NFILZ: variants seen among roughly 807,000 people sequenced by gnomAD.
The protein encoded by NFILZ is NFIL3 like basic leucine zipper, also known as NFIL3 like protein.
chr19:8,640,048 A>G (rs2146138408), intron 3 of NFILZ, among the ~76,000 whole-genome samples: 1 of 152,150 alleles, frequency 6.6e-6, no homozygotes, highest in African/African-American at 2.4e-5. Flanking sequence ...CTCTCCCACG[A>G]CCTGTGGGAA....
At chr19:8,651,453 C>T (rs1600144765) in intron 3 of NFILZ, among the ~76,000 whole-genome samples, 1 of 151,672 alleles carries the variant, frequency 6.6e-6, no homozygotes, top group South Asian at 2.1e-4. Flanking sequence ...TGAGCCACTG[C>T]GCCCGACCTT....
At chr19:8,653,037 T>TCCC (rs1555747922) in intron 3 of NFILZ, among the ~76,000 whole-genome samples, 10 of 68,328 alleles carry the variant, frequency 1.5e-4, no homozygotes, top group East Asian at 5.0e-4. Flanking sequence ...TCTTTCTTTC[T>TCCC]TTCTCTCTCT....
intron 3 of NFILZ, among the ~76,000 whole-genome samples, chr19:8,653,833 A>T (rs544221284): frequency 6.6e-6 from 1 of 152,286 alleles, no homozygotes; most frequent in South Asian, 2.1e-4. Flanking sequence ...AAAGGTTGGG[A>T]GGCGGATGAG....
chr19:8,660,028 C>T (rs1015652247), intron 3 of NFILZ, among the ~76,000 whole-genome samples: 1 of 152,114 alleles, frequency 6.6e-6, no homozygotes, highest in African/African-American at 2.4e-5. Flanking sequence ...GCTACAACAC[C>T]GGCCACTGCC....
intron 1 of NFILZ, among the ~76,000 whole-genome samples, chr19:8,631,354 A>G (rs73503628): frequency 0.011 from 1,705 of 152,110 alleles, 35 homozygotes; most frequent in African/African-American, 0.039. Context: ...TTAGGAGCTC[A>G]CAGGGAGGCT....
At chr19:8,656,171 T>TCC (rs1471260681) in intron 3 of NFILZ, among the ~76,000 whole-genome samples, 6 of 151,334 alleles carry the variant, frequency 4.0e-5, no homozygotes, top group Non-Finnish European at 8.8e-5. Flanking sequence ...AGCCACGTTC[T>TCC]CCCTACAGCC....
At chr19:8,650,649 G>T (rs2042960907) in intron 3 of NFILZ, among the ~76,000 whole-genome samples, 1 of 119,834 alleles carries the variant, frequency 8.3e-6, no homozygotes, top group South Asian at 2.6e-4. Context: ...GTGAGATTCT[G>T]TCTCAAAAAA....
chr19:8,663,452 G>A (rs879084480), intron 3 of NFILZ, among the ~76,000 whole-genome samples: 2 of 137,434 alleles, frequency 1.5e-5, no homozygotes, highest in Admixed American at 1.4e-4. Flanking sequence ...GTGGGGAGGG[G>A]TGGAACTGCC....
chr19:8,653,002 TC>T (rs2042973586), intron 3 of NFILZ, among the ~76,000 whole-genome samples: 49 of 29,166 alleles, frequency 1.7e-3, no homozygotes, highest in African/African-American at 6.0e-3. Context: ...CTTCCTTCCT[TC>T]CTTCCTTCCT....
chr19:8,635,495 C>T (rs532484032), intron 2 of NFILZ, among the ~76,000 whole-genome samples, 155 bp from the exon 3 acceptor site: 1 of 152,068 alleles, frequency 6.6e-6, no homozygotes, highest in South Asian at 2.1e-4. Flanking sequence ...TCAATGGAAT[C>T]GTACCATAGG....
At chr19:8,647,392 T>G (rs1274232778) in intron 3 of NFILZ, among the ~76,000 whole-genome samples, 4 of 152,030 alleles carry the variant, frequency 2.6e-5, no homozygotes, top group Non-Finnish European at 5.9e-5. Flanking sequence ...GCCAACATGG[T>G]GAAACCTTGT....
intron 4 of NFILZ, among the ~76,000 whole-genome samples, chr19:8,675,559 T>C (rs2043837): frequency 0.38 from 58,445 of 151,932 alleles, 12,403 homozygotes; most frequent in East Asian, 0.72. Flanking sequence ...ATGGGAATTG[T>C]GTTTTGTTTT....
intron 3 of NFILZ, among the ~76,000 whole-genome samples, chr19:8,651,164 T>C (rs910766806): frequency 1.3e-5 from 2 of 152,138 alleles, no homozygotes; most frequent in Non-Finnish European, 2.9e-5. Flanking sequence ...AAATATATAA[T>C]AAGCTTTTTT....
chr19:8,640,316 GT>G (rs71179871), intron 3 of NFILZ, among the ~76,000 whole-genome samples: 66,681 of 124,006 alleles, frequency 0.54, 17,502 homozygotes, highest in South Asian at 0.65. Context: ...TCCTGCTGTA[GT>G]TTTTTTTTTT....
At chr19:8,669,094 C>T (rs1358748834) in intron 3 of NFILZ, among the ~76,000 whole-genome samples, 4 of 152,168 alleles carry the variant, frequency 2.6e-5, no homozygotes, top group African/African-American at 9.7e-5. Flanking sequence ...CAGGCGTGCA[C>T]TACCATGCCC....
intron 3 of NFILZ, among the ~76,000 whole-genome samples, chr19:8,647,525 T>C (rs1219024613): frequency 1.3e-5 from 2 of 150,640 alleles, no homozygotes; most frequent in African/African-American, 2.4e-5. Flanking sequence ...TGAGCCGAGA[T>C]CGCACCACTG....
intron 3 of NFILZ, among the ~76,000 whole-genome samples, chr19:8,645,364 C>T (rs1332850903): frequency 6.7e-6 from 1 of 150,338 alleles, no homozygotes; most frequent in Non-Finnish European, 1.5e-5. Context: ...GTCTTCAACT[C>T]CTGGCCATAA....
At chr19:8,670,400 C>T (rs2146170690) in intron 3 of NFILZ, among the ~76,000 whole-genome samples, 2 of 152,234 alleles carry the variant, frequency 1.3e-5, no homozygotes, top group South Asian at 2.1e-4. Flanking sequence ...TTGCACCTGG[C>T]CCCATATTTT....
At chr19:8,656,406 TC>T (rs2042999357) in intron 3 of NFILZ, among the ~76,000 whole-genome samples, 1 of 95,374 alleles carries the variant, frequency 1.0e-5, no homozygotes, top group African/African-American at 3.7e-5. Context: ...GCCCACCTTC[TC>T]TCTGAAACCC....
Sources: allele counts gnomAD v4.1 joint callset (sites outside exome capture counted in the v4.1 genomes callset), GRCh38; gene constraint gnomAD v4.1.1; transcripts MANE v1.5; gene names NCBI Gene and HGNC (gene_info 2026-07-23, HGNC 2026-07-21).